Variants in ZNF2 observed in about 807,000 individuals in gnomAD.
ZNF2 encodes zinc finger protein 2.2.
A neutral mutation model predicts 21.9 loss-of-function variants in ZNF2; 12 were observed. The ratio of observed to expected loss-of-function variants is 0.55; its 90% CI spans 0.35 to 0.89. The LOEUF (loss-of-function observed/expected upper bound fraction) is 0.89, where lower values mean the gene tolerates loss of function less well. ZNF2 is among the 40% of genes least tolerant of loss of function. The probability of loss-of-function intolerance (pLI) is 0.01; values close to 1 mark genes in which losing one functional copy is unlikely to be tolerated. For synonymous variants in ZNF2, 186 were observed against 196.3 expected, an observed-to-expected ratio of 0.95 and a Z score of 0.44; for missense variants, 462 against 544.2, an observed-to-expected ratio of 0.85 and a Z score of 1.50.
In ZNF2 at chr2:95,183,266, G is replaced by A. The variant is rs1389966947; in HGVS notation, c.*1160G>A. 6.6e-6 allele frequency: 1 copy of A among 152,242 alleles called. No individual in the cohort carries two copies. Among genetic ancestry groups the A allele is most frequent in the Non-Finnish European group, 1.5e-5 (1 of 68,076 alleles). The allele number at this position is 152,242 out of a possible 1,614,324, so 9.4% of individuals were successfully genotyped here. ...CCAAAGTCACCACAAGGGCGGAAGA[G>A]AAAGCTAGAGGAATTTGTAGGATAT... On this transcript the variant is annotated 3_prime_UTR_variant, in exon 5 of 5. Transcript: ENST00000614034.
In ZNF2 at chr2:95,176,361, C is replaced by CTGAAGACAGG. The variant is rs1674445551; in HGVS notation, c.33+102_33+103insTGAAGACAGG. The CTGAAGACAGG allele has an allele frequency of 1.1e-5, 15 of 1,385,864 alleles. No homozygotes were observed. In the Admixed American group the frequency reaches 2.6e-4, roughly 24 times the overall value. The allele number at this position is 1,385,864 out of a possible 1,614,324, so 85.8% of individuals were successfully genotyped here. A position where few individuals can be genotyped will look rare whatever the true frequency, so the allele number is the denominator to read the frequency against. On this transcript the variant is annotated intron_variant, in intron 2 of 4. Coordinates refer to ENST00000614034, the MANE Select transcript of ZNF2 (RefSeq NM_021088.4). ...GCCTCTTTGAGCAGACCCAGCCAGG[C>CTGAAGACAGG]AGATGAAGGACTCCACAGGGAGTAT...
chr2:95,165,867 G>GT lies in ZNF2; in HGVS notation c.-40+9dup, dbSNP rs1165159949. 6.6e-6 allele frequency: 1 copy of GT among 152,372 alleles called. No individual in the cohort carries two copies. Among genetic ancestry groups the GT allele is most frequent in the Non-Finnish European group, 1.5e-5 (1 of 68,138 alleles). The allele number at this position is 152,372 out of a possible 1,614,324, so 9.4% of individuals were successfully genotyped here. A position where few individuals can be genotyped will look rare whatever the true frequency, so the allele number is the denominator to read the frequency against. On this transcript the variant is annotated splice_region_variant and intron_variant, in intron 1 of 4. Coordinates refer to ENST00000614034, the MANE Select transcript of ZNF2 (RefSeq NM_021088.4). ...CGAGCACTCTGTGCCGGAGGTGAGG[G>GT]TTGTGGGTGTGTGTCTTCAAGGAGC...
intron 2 of ZNF2, 31 bp from the exon 3 acceptor site, chr2:95,177,452 A>G (rs1283038414): frequency 1.9e-6 from 3 of 1,606,648 alleles, no homozygotes; most frequent in African/African-American, 2.7e-5. Flanking sequence ...AGAAGGATTA[A>G]GAGTAAGGGA....
At position 95,181,381 on chromosome 2, in the gene ZNF2, C is replaced by T. The variant is rs1674642667; in HGVS notation, c.553C>T (p.His185Tyr). The change falls in exon 5 of 5, where the codon CAC becomes TAC. Residue 185 changes from histidine (H) to tyrosine (Y), a missense_variant. By Grantham distance (83) the His-to-Tyr change is moderately conservative (BLOSUM62 2). Coordinates refer to ENST00000614034, the MANE Select transcript of ZNF2 (RefSeq NM_021088.4). ...CSDCGKTFFD[H>Y]SSLTRHQRTH... Reference sequence around the variant, plus strand: ...TGACTGTGGGAAGACCTTTTTTGACCACTCATCCCTCACCCGCCATCAGAG... The same window carrying T: ...TGACTGTGGGAAGACCTTTTTTGACTACTCATCCCTCACCCGCCATCAGAG... 6.2e-7 allele frequency: 1 copy of T among 1,614,016 alleles called. No homozygotes were observed. Among genetic ancestry groups the T allele is most frequent in the Admixed American group, 1.7e-5 (1 of 60,006 alleles).
chr2:95,168,398 C>T (rs1315940139), intron 1 of ZNF2, among the ~76,000 whole-genome samples: 1 of 150,654 alleles, frequency 6.6e-6, no homozygotes, highest in Admixed American at 6.6e-5. Context: ...GCACTCCAGC[C>T]TGGGCGACAG....
At position 95,181,695 on chromosome 2, in the gene ZNF2, G is replaced by T; in HGVS notation, c.867G>T (p.Gln289His). The change falls in exon 5 of 5, where the codon CAG (glutamine) becomes CAT (histidine). Residue 289 changes from glutamine (Q) to histidine (H), a missense_variant. Transcript: ENST00000614034. ...HTGESPYECH[Q>H]CGKAFSQKSI... ...GAGAAAGTCCTTATGAATGTCATCA[G>T]TGTGGGAAAGCCTTTAGCCAGAAAA... 1 of 1,614,248 alleles carries T rather than the reference G, an allele frequency of 6.2e-7. No individual in the cohort carries two copies. Among genetic ancestry groups the T allele is most frequent in the Non-Finnish European group, 8.5e-7 (1 of 1,180,048 alleles).
intron 4 of ZNF2, among the ~76,000 whole-genome samples, chr2:95,180,753 G>A (rs577934147): frequency 1.3e-5 from 2 of 151,994 alleles, no homozygotes; most frequent in African/African-American, 4.8e-5. Context: ...CAGGTGATCC[G>A]CCCACCTTGG....
rs754449166 is a variant in ZNF2, at chr2:95,183,153, A to G, written c.*1047A>G. On this transcript the variant is annotated 3_prime_UTR_variant, in exon 5 of 5. Transcript: ENST00000614034. ...GGATGTGCTAAGCTGTGGTACAGTA[A>G]CAAGCCCGCAGAGAGCTATGTCTCC... 1 of 152,226 alleles carries G rather than the reference A, an allele frequency of 6.6e-6. No homozygotes were observed. Among genetic ancestry groups the G allele is most frequent in the Non-Finnish European group, 1.5e-5 (1 of 68,056 alleles). The allele number at this position is 152,226 out of a possible 1,614,324, so 9.4% of individuals were successfully genotyped here. A position where few individuals can be genotyped will look rare whatever the true frequency, so the allele number is the denominator to read the frequency against.
chr2:95,177,337 C>T, intron 2 of ZNF2, 146 bp from the exon 3 acceptor site: 2 of 812,540 alleles, frequency 2.5e-6, no homozygotes, highest in Non-Finnish European at 3.5e-6. Context: ...GCCACTTTTC[C>T]CAAATGCTTT....
chr2:95,181,082 T>C (rs1380245661), intron 4 of ZNF2, 21 bp from the exon 5 acceptor site: 2 of 1,600,666 alleles, frequency 1.2e-6, no homozygotes, highest in Non-Finnish European at 1.7e-6. Context: ...AAAAACTGCA[T>C]CTGTTTTCTG....
At chr2:95,172,581 G>A (rs1159536028) in intron 1 of ZNF2, among the ~76,000 whole-genome samples, 5 of 150,472 alleles carry the variant, frequency 3.3e-5, no homozygotes, top group African/African-American at 1.2e-4. Context: ...TAATGTGCAT[G>A]TACAAATATG....
intron 1 of ZNF2, among the ~76,000 whole-genome samples, chr2:95,167,292 C>G (rs867217763): frequency 6.6e-6 from 1 of 151,874 alleles, no homozygotes; most frequent in Admixed American, 6.5e-5. Context: ...ATCACGAGGT[C>G]AGGAGATCGA....
At chr2:95,169,762 CA>C (rs570319826) in intron 1 of ZNF2, among the ~76,000 whole-genome samples, 6 of 151,956 alleles carry the variant, frequency 3.9e-5, no homozygotes, top group South Asian at 2.1e-4. Context: ...AAAAAACAAA[CA>C]AAAAAATGCA....
At chr2:95,177,121 G>C (rs1237403950) in intron 2 of ZNF2, among the ~76,000 whole-genome samples, 1 of 152,206 alleles carries the variant, frequency 6.6e-6, no homozygotes, top group Non-Finnish European at 1.5e-5. Context: ...CTAACAAAAA[G>C]ATAGGAGAAT....
Position 95,172,658 on chromosome 2 carries a change from A to C in ZNF2, c.-39-3530A>C, listed in dbSNP as rs1333235446. 4.3e-5 allele frequency among the ~76,000 whole-genome samples: 6 copies of C among 140,012 alleles called. No homozygotes were observed. The South Asian group carries it at 1.4e-3, about 32-fold the overall frequency. The allele number at this position is 140,012 out of a possible 152,430, so 91.9% of individuals were successfully genotyped here. ...TTGTGGTTTTTTTTTTTTTTTTTAG[A>C]TGGAGTCTCACTCTGTCACCCAGGC... On this transcript the variant is annotated intron_variant, in intron 1 of 4. Transcript: ENST00000614034.
intron 1 of ZNF2, among the ~76,000 whole-genome samples, chr2:95,168,887 A>T (rs1390643650): frequency 6.6e-6 from 1 of 152,194 alleles, no homozygotes; most frequent in African/African-American, 2.4e-5. Context: ...GTTATGCGGA[A>T]ATTGAATGGT....
chr2:95,170,819 A>G (rs1272184416), intron 1 of ZNF2, among the ~76,000 whole-genome samples: 1 of 152,172 alleles, frequency 6.6e-6, no homozygotes, highest in Non-Finnish European at 1.5e-5. Flanking sequence ...TTTCTACTTG[A>G]TACTTACGTG....
chr2:95,167,832 A>G (rs1674134101), intron 1 of ZNF2, among the ~76,000 whole-genome samples: 1 of 148,360 alleles, frequency 6.7e-6, no homozygotes, highest in Non-Finnish European at 1.5e-5. Context: ...GGGCGACAAG[A>G]GTGAAATTCC....
At chr2:95,168,857 T>C (rs1295352340) in intron 1 of ZNF2, among the ~76,000 whole-genome samples, 1 of 152,170 alleles carries the variant, frequency 6.6e-6, no homozygotes, top group Non-Finnish European at 1.5e-5. Flanking sequence ...TGGGAATCTT[T>C]GGTGTGGTAG....
Sources: allele counts gnomAD v4.1 joint callset (sites outside exome capture counted in the v4.1 genomes callset), GRCh38; gene constraint gnomAD v4.1.1; transcripts MANE v1.5; gene names NCBI Gene and HGNC (gene_info 2026-07-23, HGNC 2026-07-21).